MKKS: variants seen among roughly 807,000 people sequenced by gnomAD.
The protein encoded by MKKS is molecular chaperone MKKS.
In MKKS, 29 loss-of-function variants were observed where a neutral mutation model predicts 33.2. The observed-to-expected ratio is 0.87, with a 90% CI of 0.65 to 1.19. MKKS has a LOEUF of 1.19. MKKS is among the 50% of genes most tolerant of loss of function. The pLI is 0.00. For synonymous variants in MKKS, 260 were observed against 244.0 expected (o/e 1.07, Z -0.61); for missense variants, 661 against 662.3 (o/e 1.00, Z 0.02).
At chr20:10,431,999 C>G (rs1356970443) in intron 1 of MKKS, 2 of 152,328 alleles carry the variant, frequency 1.3e-5, no homozygotes, top group Non-Finnish European at 2.9e-5. Context: ...ATGTGCCACC[C>G]TGACCCCCCT....
chr20:10,422,774 C>T (rs1600856321), intron 1 of MKKS, among the ~76,000 whole-genome samples: 3 of 150,126 alleles, frequency 2.0e-5, no homozygotes, highest in South Asian at 2.1e-4. Context: ...TGCAGTGGTG[C>T]GATCTCAGCT....
chr20:10,411,763 AGATT>A (rs1238886164), intron 3 of MKKS, among the ~76,000 whole-genome samples: 2 of 152,248 alleles, frequency 1.3e-5, no homozygotes, highest in Non-Finnish European at 2.9e-5. Flanking sequence ...TCTTTCTGAT[AGATT>A]GTCAAAGCAG....
At position 10,403,301 on chromosome 20, in the gene MKKS, A is replaced by T. The variant is rs998991553; in HGVS notation, c.*1946T>A. The T allele has an allele frequency of 1.3e-5, 2 of 152,160 alleles. No individual in the cohort carries two copies. The highest frequency in any genetic ancestry group is 2.9e-5 in the Non-Finnish European group (2 of 68,028). 9.4% of individuals were successfully genotyped at this position (152,160 alleles called of 1,614,324 possible). A position where few individuals can be genotyped will look rare whatever the true frequency, so the allele number is the denominator to read the frequency against. On this transcript the variant is annotated 3_prime_UTR_variant, in exon 6 of 6. Transcript: ENST00000347364. The stretch of plus-strand genomic sequence containing the variant: ...GTATTCTATTCATTAGAAGCTAGTC[A>T]TTAGGTCCCACCTACACCCAGAGAG...
At chr20:10,414,082 A>G (rs1040469578) in intron 2 of MKKS, among the ~76,000 whole-genome samples, 151 bp from the exon 3 acceptor site, 1 of 152,222 alleles carries the variant, frequency 6.6e-6, no homozygotes. Context: ...AAGGTAGACC[A>G]ACTTTGACTT....
intron 2 of MKKS, among the ~76,000 whole-genome samples, chr20:10,415,954 C>A (rs1258560135): frequency 6.6e-6 from 1 of 151,806 alleles, no homozygotes; most frequent in Non-Finnish European, 1.5e-5. Flanking sequence ...AGGTCTAGAC[C>A]TGAACAAAAG....
intron 3 of MKKS, among the ~76,000 whole-genome samples, chr20:10,410,581 T>C (rs571894420): frequency 2.6e-5 from 4 of 152,238 alleles, no homozygotes; most frequent in South Asian, 4.1e-4. Context: ...TGAGCCGAGA[T>C]TGCGCCACTG....
intron 2 of MKKS, among the ~76,000 whole-genome samples, chr20:10,414,868 G>A (rs1376725276): frequency 6.6e-6 from 1 of 152,056 alleles, no homozygotes; most frequent in Non-Finnish European, 1.5e-5. Flanking sequence ...ATCATTTTAC[G>A]TTATCAATCA....
chr20:10,406,158 T>C (rs2064842827), intron 5 of MKKS, among the ~76,000 whole-genome samples: 1 of 152,236 alleles, frequency 6.6e-6, no homozygotes. Flanking sequence ...AATCATGATG[T>C]AAATTTTCAT....
chr20:10,411,490 T>G (rs2064886819), intron 3 of MKKS, among the ~76,000 whole-genome samples: 2 of 152,150 alleles, frequency 1.3e-5, no homozygotes, highest in Middle Eastern at 3.2e-3. Flanking sequence ...GCAAAGCTAG[T>G]AGATATTTAA....
At chr20:10,407,779 C>A (rs922185004) in intron 4 of MKKS, 53 bp from the exon 5 acceptor site, 5 of 1,328,864 alleles carry the variant, frequency 3.8e-6, no homozygotes, top group Non-Finnish European at 5.4e-6. Context: ...TATTAACACA[C>A]AAAAAATCAT....
chr20:10,432,185 C>T (rs761961451), intron 1 of MKKS, among the ~76,000 whole-genome samples: 10 of 152,202 alleles, frequency 6.6e-5, no homozygotes, highest in Non-Finnish European at 1.5e-4. Context: ...TTCTCTTCAA[C>T]TTTGAAGGGC....
chr20:10,410,855 C>CT (rs2064879611), intron 3 of MKKS, among the ~76,000 whole-genome samples: 1 of 152,208 alleles, frequency 6.6e-6, no homozygotes, highest in African/African-American at 2.4e-5. Flanking sequence ...TCCCCCTTTT[C>CT]TTTTTTTCTC....
intron 3 of MKKS, among the ~76,000 whole-genome samples, chr20:10,411,427 A>T (rs2064886145): frequency 6.6e-6 from 1 of 152,158 alleles, no homozygotes; most frequent in Non-Finnish European, 1.5e-5. Context: ...CCCATATTTT[A>T]AAAATGAGTC....
At chr20:10,417,061 A>C (rs2064944309) in intron 2 of MKKS, among the ~76,000 whole-genome samples, 1 of 152,100 alleles carries the variant, frequency 6.6e-6, no homozygotes, top group Admixed American at 6.5e-5. Flanking sequence ...TCACCTGGCC[A>C]ACATGGTGAA....
Position 10,420,533 on chromosome 20 carries a change from G to T in MKKS, c.-423C>A, listed in dbSNP as rs1395450426. 1 of 152,190 alleles carries T rather than the reference G, an allele frequency of 6.6e-6. No individual in the cohort carries two copies. Among genetic ancestry groups the T allele is most frequent in the Non-Finnish European group, 1.5e-5 (1 of 68,032 alleles). 9.4% of individuals were successfully genotyped at this position (152,190 alleles called of 1,614,324 possible). ...CCAGATTAAATGGAACTTACCTGAA[G>T]ATTGCAAGCCTGCTACTTCCCCTGG... On this transcript the variant is annotated 5_prime_UTR_variant, in exon 2 of 6. Transcript: ENST00000347364.
rs780270518 is a variant in MKKS, at chr20:10,413,425, T to G, written c.90A>C (p.Lys30Asn). 6.2e-7 allele frequency: 1 copy of G among 1,613,510 alleles called. No homozygotes were observed. The highest frequency in any genetic ancestry group is 1.1e-5 in the South Asian group (1 of 91,078). ...GGCCATAGCATGATGTTACAATTCT[T>G]TTCAAGACAGAAAGTGTGGTCCTGA... is the stretch of plus-strand genomic sequence containing the variant. ...ERVRTTLSVLKRIVTSCYGPS... is the reference protein window; with the variant it reads ...ERVRTTLSVLNRIVTSCYGPS... The change falls in exon 3 of 6, where the codon AAA becomes AAC. Residue 30 changes from lysine to asparagine, a missense_variant. Coordinates refer to ENST00000347364, the MANE Select transcript of MKKS (RefSeq NM_170784.3).
Position 10,408,622 on chromosome 20 carries a change from A to G in MKKS, c.1161+6T>C, listed in dbSNP as rs774410680. On this transcript the variant is annotated splice_donor_region_variant and intron_variant, in intron 4 of 5. Transcript: ENST00000347364. ...CTGCATATGGAATTCAAAGTTCATT[A>G]CCTACCTTCAGCTCATCCCAGGCAG... The G allele has an allele frequency of 1.3e-5, 21 of 1,613,798 alleles. No individual in the cohort carries two copies. In the South Asian group the frequency reaches 2.1e-4, roughly 16 times the overall value.
At chr20:10,425,645 T>C (rs1274974199) in intron 1 of MKKS, among the ~76,000 whole-genome samples, 1 of 152,196 alleles carries the variant, frequency 6.6e-6, no homozygotes, top group African/African-American at 2.4e-5. Context: ...TGGACTGTCT[T>C]GTAGAGATTC....
chr20:10,408,896 G>T, intron 3 of MKKS, 93 bp from the exon 4 acceptor site: 2 of 908,198 alleles, frequency 2.2e-6, no homozygotes, highest in Non-Finnish European at 1.7e-6. Context: ...CAACATAAAA[G>T]CCCCACAAGC....
Sources: allele counts gnomAD v4.1 joint callset (sites outside exome capture counted in the v4.1 genomes callset), GRCh38; gene constraint gnomAD v4.1.1; transcripts MANE v1.5; gene names NCBI Gene and HGNC (gene_info 2026-07-23, HGNC 2026-07-21).